CXADR: variants seen among roughly 807,000 people sequenced by gnomAD.
CXADR encodes coxsackievirus and adenovirus receptor.
CXADR carries 20 observed loss-of-function variants against 40.3 expected under a neutral mutation model. That is an observed-to-expected ratio of 0.50 (90% CI 0.35 to 0.72). The LOEUF (loss-of-function observed/expected upper bound fraction) is 0.72, where lower values mean the gene tolerates loss of function less well. CXADR is among the 30% of genes least tolerant of loss of function. CXADR has a pLI of 0.01. For missense variants in CXADR, 332 were observed against 449.1 expected (o/e 0.74, Z 2.36); for synonymous variants, 150 against 161.3 (o/e 0.93, Z 0.53).
intron 1 of CXADR, among the ~76,000 whole-genome samples, chr21:17,533,373 T>C (rs944575613): frequency 6.6e-6 from 1 of 152,142 alleles, no homozygotes; most frequent in African/African-American, 2.4e-5. Context: ...TCTACCATGG[T>C]GATTGGAATA....
At chr21:17,547,535 G>A (rs576018266) in intron 2 of CXADR, among the ~76,000 whole-genome samples, 4 of 152,312 alleles carry the variant, frequency 2.6e-5, no homozygotes, top group Non-Finnish European at 4.4e-5. Flanking sequence ...CAGGCATGAC[G>A]TTGAGACAGG....
chr21:17,590,893 T>TA (rs2061430246), intron 7 of CXADR, among the ~76,000 whole-genome samples: 1 of 152,118 alleles, frequency 6.6e-6, no homozygotes, highest in Non-Finnish European at 1.5e-5. Flanking sequence ...ATTTAATTTC[T>TA]ATTTCCAGCA....
At chr21:17,526,515 A>C (rs986277105) in intron 1 of CXADR, among the ~76,000 whole-genome samples, 1 of 152,180 alleles carries the variant, frequency 6.6e-6, no homozygotes, top group African/African-American at 2.4e-5. Context: ...CTAGGTGGGG[A>C]AATAAATGCA....
chr21:17,556,466 G>A (rs551962247), intron 3 of CXADR, among the ~76,000 whole-genome samples: 34 of 146,366 alleles, frequency 2.3e-4, no homozygotes, highest in African/African-American at 5.8e-4. Context: ...GGTTATATGG[G>A]AGAAAATGGA....
chr21:17,548,777 G>T (rs2123255456), intron 2 of CXADR, among the ~76,000 whole-genome samples: 1 of 152,336 alleles, frequency 6.6e-6, no homozygotes, highest in South Asian at 2.1e-4. Flanking sequence ...CGTCCATGCT[G>T]AGTGAGAGGC....
intron 1 of CXADR, among the ~76,000 whole-genome samples, chr21:17,543,261 A>G (rs896125487): frequency 6.6e-6 from 1 of 152,202 alleles, no homozygotes; most frequent in Non-Finnish European, 1.5e-5. Context: ...TTTGTTACAC[A>G]TATATGACTA....
downstream of CXADR, among the ~76,000 whole-genome samples, chr21:17,572,316 G>C (rs2061284567): frequency 6.6e-6 from 1 of 151,554 alleles, no homozygotes; most frequent in Non-Finnish European, 1.5e-5. Context: ...GTTGCAGTGA[G>C]CCGAGATCGC....
At position 17,568,410 on chromosome 21, in the gene CXADR, G is replaced by C. The variant is rs2061241588; in HGVS notation, c.*2718G>C. On this transcript the variant is annotated 3_prime_UTR_variant, in exon 7 of 7. Transcript: ENST00000284878. ...CCCAAAGTGCTGGGATTACAGGCGT[G>C]AACCACTGCACCCGGCCCAGTACTG... 1 of 984,590 alleles carries C rather than the reference G, an allele frequency of 1.0e-6. No individual in the cohort carries two copies. Among genetic ancestry groups the C allele is most frequent in the African/African-American group, 1.8e-5 (1 of 57,096 alleles). 61.0% of individuals were successfully genotyped at this position (984,590 alleles called of 1,614,324 possible).
chr21:17,531,706 C>G (rs1387121355), intron 1 of CXADR, among the ~76,000 whole-genome samples: 4 of 152,106 alleles, frequency 2.6e-5, no homozygotes, highest in African/African-American at 9.7e-5. Context: ...GGTACAAATT[C>G]TTGCAATTTC....
intron 7 of CXADR, among the ~76,000 whole-genome samples, chr21:17,577,503 A>G (rs566310974): frequency 1.4e-4 from 21 of 149,898 alleles, no homozygotes; most frequent in African/African-American, 4.9e-4. Context: ...AGTCTTTTTC[A>G]TTCTTTTGAA....
chr21:17,589,776 T>C (rs1435999573), intron 7 of CXADR, among the ~76,000 whole-genome samples: 1 of 152,058 alleles, frequency 6.6e-6, no homozygotes, highest in African/African-American at 2.4e-5. Flanking sequence ...AGTACTTCTG[T>C]AGATAAATTT....
intron 2 of CXADR, among the ~76,000 whole-genome samples, chr21:17,550,086 G>A (rs2060946398): frequency 6.6e-6 from 1 of 152,166 alleles, no homozygotes; most frequent in Non-Finnish European, 1.5e-5. Context: ...GCTGGGCACG[G>A]TAGCTCATGC....
At chr21:17,578,479 A>G (rs2061337271) in intron 7 of CXADR, among the ~76,000 whole-genome samples, 1 of 152,240 alleles carries the variant, frequency 6.6e-6, no homozygotes, top group Non-Finnish European at 1.5e-5. Flanking sequence ...GAAATCATAC[A>G]TGATGATGGA....
chr21:17,523,605 G>A (rs999322432), intron 1 of CXADR, among the ~76,000 whole-genome samples: 8 of 152,128 alleles, frequency 5.3e-5, no homozygotes, highest in Non-Finnish European at 8.8e-5. Flanking sequence ...AATAATTGAG[G>A]CTGGGAACTT....
At chr21:17,604,815 G>T in the CXADR span, 10 of 1,585,302 alleles carry the variant, frequency 6.3e-6, no homozygotes, top group Middle Eastern at 3.4e-4. Flanking sequence ...CATAAAATTA[G>T]TTCCAGCATG....
chr21:17,541,823 A>G (rs1446194737), intron 1 of CXADR, among the ~76,000 whole-genome samples: 2 of 152,154 alleles, frequency 1.3e-5, no homozygotes, highest in Non-Finnish European at 2.9e-5. Context: ...GGAGGTACAT[A>G]ATGTCCATTT....
downstream of CXADR, chr21:17,598,558 C>T: frequency 6.9e-7 from 1 of 1,452,234 alleles, no homozygotes; most frequent in Non-Finnish European, 9.5e-7. Context: ...GTAGGACTAC[C>T]TGAAAGGTCC....
the CXADR span, among the ~76,000 whole-genome samples, chr21:17,608,146 G>A: frequency 3.9e-5 from 6 of 152,102 alleles, no homozygotes; most frequent in Non-Finnish European, 7.4e-5. Flanking sequence ...GGAGAAGATC[G>A]CGTGAGGCCA....
At chr21:17,632,021 G>T in the CXADR span, among the ~76,000 whole-genome samples, 2 of 152,022 alleles carry the variant, frequency 1.3e-5, no homozygotes, top group African/African-American at 4.8e-5. Flanking sequence ...ATGTTACCCA[G>T]GCTAGTCTCG....
Sources: gnomAD v4.1 joint callset for allele counts (sites outside exome capture counted in the v4.1 genomes callset) on GRCh38, gnomAD v4.1.1 for gene constraint, MANE v1.5 for transcripts, NCBI Gene and HGNC (gene_info 2026-07-23, HGNC 2026-07-21) for gene names.